Variants in CUX2 observed in about 807,000 individuals in gnomAD.
CUX2 encodes homeobox protein cut-like 2.
In CUX2, 40 loss-of-function variants were observed where a neutral mutation model predicts 144.8. The ratio of observed to expected loss-of-function variants is 0.28; its 90% CI spans 0.21 to 0.36. CUX2 has a LOEUF of 0.36. Ranked by LOEUF, CUX2 falls within the 10% of genes least tolerant of loss-of-function variation. The pLI is 1.00. For synonymous variants in CUX2, 827 were observed against 875.6 expected (o/e 0.94, Z 0.98); for missense variants, 1,615 against 1,994.0 (o/e 0.81, Z 3.62).
rs1293039994 is a variant in CUX2, at chr12:111,314,662, AAAAAAAC to A, written c.2002+2462_2002+2468del. The stretch of plus-strand genomic sequence containing the variant: ...TCTAAAAAAAAAAAAAAAAAAAAAA[AAAAAAAC>A]CCCATCTCCTCTAAAAATACAAAAA... On this transcript the variant is annotated intron_variant, in intron 16 of 21. Coordinates refer to ENST00000261726, the MANE Select transcript of CUX2 (RefSeq NM_015267.4). 1.2e-3 allele frequency among the ~76,000 whole-genome samples: 92 copies of A among 74,588 alleles called. 2 individuals are homozygous for A. Among genetic ancestry groups the A allele is most frequent in the African/African-American group, 0.011 (90 of 7,870 alleles). The allele number at this position is 74,588 out of a possible 152,430, so 48.9% of individuals were successfully genotyped here. A position where few individuals can be genotyped will look rare whatever the true frequency, so the allele number is the denominator to read the frequency against.
At chr12:111,205,570 A>G (rs879029611) in intron 1 of CUX2, among the ~76,000 whole-genome samples, 2 of 151,992 alleles carry the variant, frequency 1.3e-5, no homozygotes, top group Admixed American at 6.6e-5. Flanking sequence ...CACAGCCCCC[A>G]CCCTTGAGGG....
At chr12:111,137,228 CCCAT>C (rs1875952741) in intron 1 of CUX2, among the ~76,000 whole-genome samples, 1 of 152,094 alleles carries the variant, frequency 6.6e-6, no homozygotes, top group Admixed American at 6.5e-5. Flanking sequence ...AGCCACCACT[CCCAT>C]CCAAAATCCA....
At chr12:111,306,348 T>G (rs192768869) in intron 10 of CUX2, among the ~76,000 whole-genome samples, 1 of 151,792 alleles carries the variant, frequency 6.6e-6, no homozygotes, top group East Asian at 1.9e-4. Flanking sequence ...TTTTAATGTT[T>G]CTTAGATTTA....
chr12:111,112,356 T>A (rs1333950209), intron 1 of CUX2, among the ~76,000 whole-genome samples: 1 of 152,216 alleles, frequency 6.6e-6, no homozygotes, highest in Non-Finnish European at 1.5e-5. Context: ...GGTGGAAGCA[T>A]CTGGAATTAG....
At chr12:111,337,426 TA>T (rs1178396016) in intron 19 of CUX2, among the ~76,000 whole-genome samples, 6 of 152,206 alleles carry the variant, frequency 3.9e-5, no homozygotes, top group African/African-American at 1.2e-4. Flanking sequence ...AGAATAATTC[TA>T]TTACCCGCAT....
chr12:111,177,622 C>T (rs1878934516), intron 1 of CUX2, among the ~76,000 whole-genome samples: 1 of 152,224 alleles, frequency 6.6e-6, no homozygotes, highest in Non-Finnish European at 1.5e-5. Flanking sequence ...AACTCCTGAC[C>T]TCAAGTGATC....
intron 3 of CUX2, among the ~76,000 whole-genome samples, chr12:111,225,087 G>A (rs1345499503): frequency 6.6e-6 from 1 of 152,036 alleles, no homozygotes; most frequent in Non-Finnish European, 1.5e-5. Context: ...TGTAGTTTTT[G>A]TAGAGATGGG....
At chr12:111,291,321 C>CTGTAA in intron 4 of CUX2, 97 bp from the exon 5 acceptor site, 1 of 1,430,370 alleles carries the variant, frequency 7.0e-7, no homozygotes, top group South Asian at 1.5e-5. Context: ...GGGGTGACTC[C>CTGTAA]GATGGCTCCT....
chr12:111,240,551 G>A (rs368967085), intron 3 of CUX2, among the ~76,000 whole-genome samples: 10 of 152,184 alleles, frequency 6.6e-5, no homozygotes, highest in African/African-American at 2.2e-4. Flanking sequence ...TGGTCCAATC[G>A]GCTGAGGTCA....
intron 1 of CUX2, among the ~76,000 whole-genome samples, chr12:111,165,350 T>C (rs966810185): frequency 1.3e-5 from 2 of 152,024 alleles, no homozygotes; most frequent in African/African-American, 2.4e-5. Context: ...CAAACCAGAG[T>C]GACCTCATTG....
chr12:111,339,391 G>C (rs1018055105), intron 20 of CUX2: 1 of 152,168 alleles, frequency 6.6e-6, no homozygotes, highest in Non-Finnish European at 1.5e-5. Context: ...CTGTTTTGTA[G>C]ATCAGCCCTT....
rs1168199967 is a variant in CUX2 at position 111,035,850 on chromosome 12, G to A, written c.63+1610G>A. ...CAATTCCGGGTCCGCACTCGAGTTGGGGCTACAGTTTGGTGGCCAACTGAG... is the reference window on the plus strand; with the variant it reads ...CAATTCCGGGTCCGCACTCGAGTTGAGGCTACAGTTTGGTGGCCAACTGAG... On this transcript the variant is annotated intron_variant, in intron 1 of 21. Transcript: ENST00000261726. The surrounding 1 kb of genome is among the most constrained non-coding windows in gnomAD (Gnocchi z 6.0). Among the ~76,000 whole-genome samples, 1 of 152,114 alleles carries A rather than the reference G, an allele frequency of 6.6e-6. No homozygotes were observed. Among genetic ancestry groups the A allele is most frequent in the African/African-American group, 2.4e-5 (1 of 41,432 alleles).
rs901899883 is a variant in CUX2, at chr12:111,065,419, C to T, written c.63+31179C>T. On this transcript the variant is annotated intron_variant, in intron 1 of 21. Coordinates refer to ENST00000261726, the MANE Select transcript of CUX2 (RefSeq NM_015267.4). The stretch of plus-strand genomic sequence containing the variant: ...CACGATCTCGGCTCACTGCAAACTC[C>T]GCCTCTCCTGAGTTCAAGCAATTCT... 5.3e-5 allele frequency among the ~76,000 whole-genome samples: 8 copies of T among 152,282 alleles called. No homozygotes were observed. The South Asian group carries it at 6.2e-4, about 12-fold the overall frequency.
chr12:111,313,119 T>C (rs1886987295), intron 16 of CUX2, among the ~76,000 whole-genome samples: 1 of 152,118 alleles, frequency 6.6e-6, no homozygotes, highest in Non-Finnish European at 1.5e-5. Flanking sequence ...TGGAGTGCAG[T>C]GGCGCAGTCT....
Position 111,160,673 on chromosome 12 carries a change from G to A in CUX2, c.64-53527G>A, listed in dbSNP as rs546278436. Among the ~76,000 whole-genome samples the A allele has an allele frequency of 1.6e-4, 25 of 152,322 alleles. 1 individual carries two copies. In the South Asian group the frequency reaches 3.9e-3, roughly 24 times the overall value. ...GAGGGCTATGCAGAGGAGTGACGCA[G>A]TCCAGTGGCATTTTCAGGGGATTCC... On this transcript the variant is annotated intron_variant, in intron 1 of 21. Coordinates refer to ENST00000261726, the MANE Select transcript of CUX2 (RefSeq NM_015267.4). The surrounding 1 kb of genome is among the most constrained non-coding windows in gnomAD (Gnocchi z 4.1).
intron 1 of CUX2, among the ~76,000 whole-genome samples, chr12:111,157,866 G>A (rs111532325): frequency 2.2e-3 from 338 of 152,300 alleles, no homozygotes; most frequent in Non-Finnish European, 4.0e-3. Context: ...ATTTGAAGAG[G>A]AATGTTCACT....
At chr12:111,075,708 C>A (rs1363772262) in intron 1 of CUX2, among the ~76,000 whole-genome samples, 1 of 152,134 alleles carries the variant, frequency 6.6e-6, no homozygotes, top group Non-Finnish European at 1.5e-5. Context: ...GGAATCAGGT[C>A]ATGACCAAGC....
chr12:111,139,086 G>T (rs955850907), intron 1 of CUX2, among the ~76,000 whole-genome samples: 1 of 151,502 alleles, frequency 6.6e-6, no homozygotes, highest in South Asian at 2.1e-4. Context: ...GTCTTTGATC[G>T]CCATGTGACC....
chr12:111,208,267 G>A (rs1881029044), intron 1 of CUX2, among the ~76,000 whole-genome samples: 1 of 152,082 alleles, frequency 6.6e-6, no homozygotes, highest in South Asian at 2.1e-4. Flanking sequence ...AGTGTGAGGT[G>A]TCCTTGGAGC....
Sources: gnomAD v4.1 joint callset for allele counts (sites outside exome capture counted in the v4.1 genomes callset) on GRCh38, gnomAD v4.1.1 for gene constraint, Gnocchi (gnomAD v3.1) non-coding constraint, MANE v1.5 for transcripts, NCBI Gene and HGNC (gene_info 2026-07-23, HGNC 2026-07-21) for gene names.